The following OTUD5 variants were observed in gnomAD, a reference collection of about 807,000 sequenced individuals.
OTUD5 encodes the protein OTU domain-containing protein 5.
OTUD5 carries 2 observed loss-of-function variants against 36.3 expected under a neutral mutation model. The ratio of observed to expected loss-of-function variants is 0.06; its 90% CI spans 0.02 to 0.17. OTUD5 has a LOEUF of 0.17. Among genes scored for constraint, OTUD5 ranks in the 10% least tolerant of loss-of-function variants. The pLI, the probability that OTUD5 is intolerant of heterozygous loss-of-function variation, is 1.00. For missense variants in OTUD5, 233 were observed against 512.3 expected, an observed-to-expected ratio of 0.45 and a Z score of 5.26; for synonymous variants, 234 against 214.9, an observed-to-expected ratio of 1.09 and a Z score of -0.78.
At chrX:48,923,418 A>T (rs948980600) in intron 8 of OTUD5, 123 bp from the exon 9 acceptor site, 28 of 606,930 alleles carry the variant, frequency 4.6e-5, no homozygotes, top group Non-Finnish European at 6.1e-5. Flanking sequence ...CCTTTCTCAA[A>T]ACAGAAGGAT....
chrX:48,957,740 CGGCGGCGGCGGT>C (rs1165607207), upstream of OTUD5: 183 of 775,983 alleles, frequency 2.4e-4, no homozygotes, highest in Middle Eastern at 1.4e-3. Context: ...GCGGCGGCGG[CGGCGGCGGCGGT>C]GGCGGCGCGC....
intron 2 of OTUD5, among the ~76,000 whole-genome samples, chrX:48,939,729 T>C (rs2063887767): frequency 8.9e-6 from 1 of 112,317 alleles, no homozygotes; most frequent in Non-Finnish European, 1.9e-5. Flanking sequence ...CTCTCTCCTC[T>C]GTTGCCCGGG....
intron 2 of OTUD5, among the ~76,000 whole-genome samples, chrX:48,943,811 A>G (rs1472727049): frequency 9.1e-6 from 1 of 109,937 alleles, no homozygotes; most frequent in African/African-American, 3.3e-5. Context: ...CAACTCTACC[A>G]CTTATTATTT....
chrX:48,948,188 A>G (rs1469493696), intron 1 of OTUD5, among the ~76,000 whole-genome samples: 2 of 112,055 alleles, frequency 1.8e-5, no homozygotes, highest in Non-Finnish European at 3.8e-5. Flanking sequence ...TCTCTACTGA[A>G]AATACAAAAA....
intron 2 of OTUD5, among the ~76,000 whole-genome samples, chrX:48,935,723 G>C (rs1557049804): frequency 1.8e-5 from 2 of 110,281 alleles, no homozygotes; most frequent in African/African-American, 6.6e-5. Context: ...CAGATCACTT[G>C]AGGTCACGAG....
intron 5 of OTUD5, among the ~76,000 whole-genome samples, chrX:48,931,907 T>C (rs948818190): frequency 2.8e-5 from 3 of 109,060 alleles, no homozygotes; most frequent in African/African-American, 1.0e-4. Context: ...TCCCAGCATT[T>C]TGGGAGGCCG....
intron 1 of OTUD5, among the ~76,000 whole-genome samples, chrX:48,955,754 G>A (rs983689084): frequency 1.8e-5 from 2 of 111,307 alleles, no homozygotes; most frequent in African/African-American, 6.5e-5. Context: ...TTACAGAGGG[G>A]AAAATGGGAT....
intron 5 of OTUD5, among the ~76,000 whole-genome samples, chrX:48,928,429 A>G (rs2063698871): frequency 8.9e-6 from 1 of 112,261 alleles, no homozygotes; most frequent in South Asian, 3.6e-4. Flanking sequence ...AAGTGATAAG[A>G]AAGAAACCAG....
intron 2 of OTUD5, among the ~76,000 whole-genome samples, chrX:48,941,013 C>T (rs1310451099): frequency 9.9e-5 from 11 of 111,390 alleles, no homozygotes; most frequent in Non-Finnish European, 2.1e-4. Context: ...TCAAGACTCC[C>T]AACAACAGAG....
intron 2 of OTUD5, among the ~76,000 whole-genome samples, chrX:48,937,284 T>C (rs1557050174): frequency 8.9e-6 from 1 of 112,056 alleles, no homozygotes; most frequent in African/African-American, 3.2e-5. Context: ...AGTGAGCTAC[T>C]TGGGGAGCTA....
intron 5 of OTUD5, among the ~76,000 whole-genome samples, chrX:48,933,545 G>C (rs1392567290): frequency 9.1e-6 from 1 of 109,463 alleles, no homozygotes; most frequent in Admixed American, 9.8e-5. Flanking sequence ...CCTCCCAAGA[G>C]TAGTTGGGAT....
chrX:48,955,430 G>A (rs782200953), intron 1 of OTUD5, among the ~76,000 whole-genome samples: 5 of 111,373 alleles, frequency 4.5e-5, no homozygotes, highest in African/African-American at 1.6e-4. Context: ...CTGGGGGGAG[G>A]AGTCCTCCTG....
In OTUD5 at chrX:48,923,606, C is replaced by T. The variant is rs782820869; in HGVS notation, c.1579+27G>A. 40 of 1,072,741 alleles carry T rather than the reference C, an allele frequency of 3.7e-5. 1 individual carries two copies. The highest frequency in any genetic ancestry group is 4.8e-5 in the Non-Finnish European group (37 of 778,050). 88.4% of individuals were successfully genotyped at this position (1,072,741 alleles called of 1,213,427 possible). A position where few individuals can be genotyped will look rare whatever the true frequency, so the allele number is the denominator to read the frequency against. ...AGTCTCTCCCAGCTCCTAGCAGCCT[C>T]CATCCCCCCAGACAAAGGAGGCTTA... On this transcript the variant is annotated intron_variant, in intron 8 of 8. Coordinates refer to ENST00000376488, the MANE Select transcript of OTUD5 (RefSeq NM_001136157.2).
At chrX:48,950,219 G>A (rs1557053464) in intron 1 of OTUD5, among the ~76,000 whole-genome samples, 13 of 111,118 alleles carry the variant, frequency 1.2e-4, no homozygotes, top group Non-Finnish European at 1.9e-5. Flanking sequence ...GGAGATGGGG[G>A]GTTATCTTAG....
intron 2 of OTUD5, chrX:48,939,943 G>C (rs887140023): frequency 8.8e-6 from 1 of 113,476 alleles, no homozygotes; most frequent in Non-Finnish European, 1.9e-5. Context: ...AAGGAAGCTA[G>C]GTGTCTACAG....
intron 1 of OTUD5, among the ~76,000 whole-genome samples, chrX:48,946,008 A>AG (rs781976426): frequency 2.7e-5 from 3 of 111,409 alleles, no homozygotes; most frequent in African/African-American, 9.8e-5. Flanking sequence ...CAGGATCCCA[A>AG]GCCTGCTCCT....
chrX:48,930,598 G>A (rs782211927), intron 5 of OTUD5, among the ~76,000 whole-genome samples: 1 of 112,184 alleles, frequency 8.9e-6, no homozygotes, highest in Non-Finnish European at 1.9e-5. Flanking sequence ...ATATCGAAGA[G>A]CACATTCAAC....
intron 1 of OTUD5, among the ~76,000 whole-genome samples, chrX:48,955,239 T>C (rs144796830): frequency 1.1e-3 from 128 of 111,538 alleles, no homozygotes; most frequent in Non-Finnish European, 1.6e-3. Context: ...CTAGGGTGTA[T>C]GTAAGTTGTC....
intron 2 of OTUD5, among the ~76,000 whole-genome samples, chrX:48,937,815 T>C (rs1355323118): frequency 1.8e-5 from 2 of 112,151 alleles, no homozygotes; most frequent in East Asian, 2.8e-4. Flanking sequence ...ACGACAATGA[T>C]TCCTTCATAT....
Sources: gnomAD v4.1 joint callset for allele counts (sites outside exome capture counted in the v4.1 genomes callset) on GRCh38, gnomAD v4.1.1 for gene constraint, MANE v1.5 for transcripts, NCBI Gene and HGNC (gene_info 2026-07-23, HGNC 2026-07-21) for gene names.